The following CDC14A variants were observed in gnomAD, a reference collection of about 807,000 sequenced individuals.
CDC14A encodes cell division cycle 14A, also known as dual specificity protein phosphatase CDC14A.
A neutral mutation model predicts 74.4 loss-of-function variants in CDC14A; 53 were observed. That is an observed-to-expected ratio of 0.71 (90% CI 0.57 to 0.89). CDC14A has a LOEUF of 0.89. Ranked by LOEUF, CDC14A falls within the 40% of genes least tolerant of loss-of-function variation. The pLI, the probability that CDC14A is intolerant of heterozygous loss-of-function variation, is 0.00. For synonymous variants in CDC14A, 247 were observed against 258.4 expected, an observed-to-expected ratio of 0.96 and a Z score of 0.43; for missense variants, 646 against 713.7, an observed-to-expected ratio of 0.91 and a Z score of 1.08.
In CDC14A at chr1:100,368,800, T is replaced by C. The variant is rs1263640743; in HGVS notation, c.141-8746T>C. ...TTGTTGCCATCTTTTTGTCCGTGAG[T>C]AGTCAATTGTGTAGTTCCCACTTAT... is the stretch of plus-strand genomic sequence containing the variant. On this transcript the variant is annotated intron_variant, in intron 2 of 15. Coordinates refer to ENST00000336454, the MANE Select transcript of CDC14A (RefSeq NM_003672.4). Among the ~76,000 whole-genome samples the C allele has an allele frequency of 4.6e-5, 7 of 152,230 alleles. No homozygotes were observed. The South Asian group carries it at 6.2e-4, about 14-fold the overall frequency.
At position 100,443,197 on chromosome 1, in the gene CDC14A, A is replaced by T. The variant is rs1275857636; in HGVS notation, c.519+201A>T. 13 of 491,962 alleles carry T rather than the reference A, an allele frequency of 2.6e-5. No homozygotes were observed. The Admixed American group carries it at 3.2e-4, about 12-fold the overall frequency. 30.5% of individuals were successfully genotyped at this position (491,962 alleles called of 1,614,324 possible). A position where few individuals can be genotyped will look rare whatever the true frequency, so the allele number is the denominator to read the frequency against. On this transcript the variant is annotated intron_variant, in intron 7 of 15. Coordinates refer to ENST00000336454, the MANE Select transcript of CDC14A (RefSeq NM_003672.4). ...CAAAATTTTATTTTGGAAAAACAAC[A>T]TATCTATATATATTCTCTCATTTAT...
At chr1:100,406,052 C>CT (rs1386796081) in intron 4 of CDC14A, among the ~76,000 whole-genome samples, 1 of 152,170 alleles carries the variant, frequency 6.6e-6, no homozygotes, top group African/African-American at 2.4e-5. Context: ...TGTTTTTTGA[C>CT]TTTTTAGTAA....
intron 8 of CDC14A, among the ~76,000 whole-genome samples, chr1:100,461,141 A>C (rs1157309958): frequency 6.6e-6 from 1 of 152,250 alleles, no homozygotes; most frequent in Non-Finnish European, 1.5e-5. Flanking sequence ...AAGGGACAAA[A>C]GTGGAGTTAG....
intron 3 of CDC14A, among the ~76,000 whole-genome samples, chr1:100,383,840 C>G (rs1250625584): frequency 1.3e-5 from 2 of 152,156 alleles, no homozygotes; most frequent in African/African-American, 4.8e-5. Context: ...AGCATTCTAA[C>G]CAAATAACTT....
At chr1:100,456,437 C>CCT (rs1553188027) in intron 8 of CDC14A, among the ~76,000 whole-genome samples, 1 of 150,740 alleles carries the variant, frequency 6.6e-6, no homozygotes, top group Non-Finnish European at 1.5e-5. Context: ...ATCCCCCCCC[C>CCT]TTTTTTTTTC....
At chr1:100,401,837 G>A (rs372407604) in intron 4 of CDC14A, among the ~76,000 whole-genome samples, 8 of 152,016 alleles carry the variant, frequency 5.3e-5, no homozygotes, top group South Asian at 2.1e-4. Flanking sequence ...TCGGGAGTTC[G>A]AGACCAGCCT....
chr1:100,439,652 T>G (rs1487961217), intron 5 of CDC14A, among the ~76,000 whole-genome samples: 1 of 152,250 alleles, frequency 6.6e-6, no homozygotes, highest in Middle Eastern at 3.2e-3. Context: ...AATAACTTGC[T>G]TAAGTTCCTG....
chr1:100,454,602 CGTGTTTAGACTAGAGGCTGATAACTG>C (rs1483194335), intron 7 of CDC14A, among the ~76,000 whole-genome samples: 1 of 152,064 alleles, frequency 6.6e-6, no homozygotes, highest in African/African-American at 2.4e-5. Flanking sequence ...GATCTCTTAG[CGTGTTTAGACTAGAGGCTGATAACTG>C]GTGCTCAAAG....
At chr1:100,420,082 AG>A (rs1281884869) in intron 4 of CDC14A, among the ~76,000 whole-genome samples, 12 of 105,528 alleles carry the variant, frequency 1.1e-4, no homozygotes, top group East Asian at 3.0e-4. Flanking sequence ...ATATATATAT[AG>A]TGTGTATGTG....
At chr1:100,484,195 C>A (rs2101358710) in intron 10 of CDC14A, 97 bp from the exon 11 acceptor site, 1 of 603,546 alleles carries the variant, frequency 1.7e-6, no homozygotes, top group Middle Eastern at 4.2e-4. Context: ...TTTGCTAAAT[C>A]TTTTCCTTTA....
At chr1:100,499,625 G>A (rs950701412) in intron 15 of CDC14A, among the ~76,000 whole-genome samples, 1 of 152,174 alleles carries the variant, frequency 6.6e-6, no homozygotes, top group Non-Finnish European at 1.5e-5. Context: ...GCTAAGCCAG[G>A]AGCTGATTCA....
chr1:100,432,485 A>G (rs1260876701), intron 5 of CDC14A, among the ~76,000 whole-genome samples: 1 of 152,220 alleles, frequency 6.6e-6, no homozygotes, highest in Non-Finnish European at 1.5e-5. Flanking sequence ...TTTAAAATAC[A>G]TATTGGATTT....
intron 7 of CDC14A, among the ~76,000 whole-genome samples, chr1:100,452,854 C>T (rs1666282462): frequency 2.0e-5 from 3 of 152,068 alleles, no homozygotes; most frequent in Admixed American, 2.0e-4. Flanking sequence ...AAGTTCCTGT[C>T]TGATCTAGAT....
intron 7 of CDC14A, among the ~76,000 whole-genome samples, chr1:100,445,314 C>G (rs948188714): frequency 2.0e-5 from 3 of 152,088 alleles, no homozygotes; most frequent in African/African-American, 4.8e-5. Flanking sequence ...AGCCTCACCC[C>G]CTCAACTTGT....
rs149134351 is a variant in CDC14A, at chr1:100,415,687, A to G, written c.310-8535A>G. 1.3e-3 allele frequency among the ~76,000 whole-genome samples: 200 copies of G among 152,338 alleles called. 1 individual carries two copies. Among genetic ancestry groups the G allele is most frequent in the African/African-American group, 4.7e-3 (197 of 41,582 alleles). ...ATTCTTACTCTGTTTTAATTAGACTATTTAGCATGATAGATTTAAAATAGA... is the reference window on the plus strand; with the variant it reads ...ATTCTTACTCTGTTTTAATTAGACTGTTTAGCATGATAGATTTAAAATAGA... On this transcript the variant is annotated intron_variant, in intron 4 of 15. Coordinates refer to ENST00000336454, the MANE Select transcript of CDC14A (RefSeq NM_003672.4).
chr1:100,444,498 T>C (rs1027919916), intron 7 of CDC14A, among the ~76,000 whole-genome samples: 6 of 152,198 alleles, frequency 3.9e-5, no homozygotes, highest in Admixed American at 6.5e-5. Context: ...AGCTCCAGCC[T>C]ACCCTTCTAG....
intron 6 of CDC14A, among the ~76,000 whole-genome samples, 171 bp from the exon 7 acceptor site, chr1:100,442,760 TTAA>T (rs1275545161): frequency 6.6e-6 from 1 of 152,142 alleles, no homozygotes; most frequent in African/African-American, 2.4e-5. Context: ...TAAGACAGTC[TTAA>T]TGCAATATAA....
intron 3 of CDC14A, among the ~76,000 whole-genome samples, chr1:100,379,418 A>C (rs1438114759): frequency 6.6e-6 from 1 of 152,232 alleles, no homozygotes; most frequent in Non-Finnish European, 1.5e-5. Context: ...ATTAATGGGC[A>C]CTGCATTACT....
intron 11 of CDC14A, chr1:100,485,237 G>A (rs1669909476): frequency 1.0e-6 from 1 of 985,402 alleles, no homozygotes. Flanking sequence ...TGTGATTTGT[G>A]TAAAGTTCCA....
Sources: gnomAD v4.1 joint callset for allele counts (sites outside exome capture counted in the v4.1 genomes callset) on GRCh38, gnomAD v4.1.1 for gene constraint, MANE v1.5 for transcripts, NCBI Gene and HGNC (gene_info 2026-07-23, HGNC 2026-07-21) for gene names.